STAT4: variants seen among roughly 807,000 people sequenced by gnomAD.
STAT4 encodes signal transducer and activator of transcription 4.
In STAT4, 42 loss-of-function variants were observed where a neutral mutation model predicts 110.5. The ratio of observed to expected loss-of-function variants is 0.38; its 90% CI spans 0.30 to 0.49. STAT4 has a LOEUF of 0.49. Ranked by LOEUF, STAT4 falls within the 20% of genes least tolerant of loss-of-function variation. The pLI is 0.95. For missense variants in STAT4, 632 were observed against 887.9 expected, an observed-to-expected ratio of 0.71 and a Z score of 3.66; for synonymous variants, 284 against 302.2, an observed-to-expected ratio of 0.94 and a Z score of 0.63.
intron 3 of STAT4, among the ~76,000 whole-genome samples, chr2:191,122,453 T>G (rs985367339): frequency 6.6e-6 from 1 of 152,150 alleles, no homozygotes; most frequent in African/African-American, 2.4e-5. Flanking sequence ...CAGCAACTCC[T>G]AAATCCACAC....
chr2:191,071,106 G>A (rs565355521), intron 5 of STAT4, among the ~76,000 whole-genome samples: 5 of 152,230 alleles, frequency 3.3e-5, no homozygotes, highest in African/African-American at 1.2e-4. Context: ...AGTAATAACA[G>A]CTACCAATTT....
At chr2:191,069,233 C>T (rs1697077212) in intron 6 of STAT4, among the ~76,000 whole-genome samples, 1 of 151,412 alleles carries the variant, frequency 6.6e-6, no homozygotes, top group South Asian at 2.1e-4. Context: ...ATGCTTTTGC[C>T]TATATTTTAG....
intron 1 of STAT4, 27 bp from the exon 2 acceptor site, chr2:191,148,231 T>C (rs1699505437): frequency 6.2e-7 from 1 of 1,609,266 alleles, no homozygotes; most frequent in African/African-American, 1.3e-5. Context: ...AGAATTAGAG[T>C]TTTAAAATAT....
intron 3 of STAT4, among the ~76,000 whole-genome samples, chr2:191,101,194 G>A (rs1698140722): frequency 6.6e-6 from 1 of 152,022 alleles, no homozygotes; most frequent in Admixed American, 6.5e-5. Context: ...AAATCCCTAA[G>A]ATTGATAAAA....
chr2:191,086,512 T>C lies in STAT4; in HGVS notation c.274-10187A>G, dbSNP rs985354270. On this transcript the variant is annotated intron_variant, in intron 3 of 23. Transcript: ENST00000392320. This position sits in a 1 kb window ranked among gnomAD's most constrained non-coding sequence, Gnocchi z 5.5. ...TTTATACAAATAATCAGACCAAGTA[T>C]AATTAAACTAAAACTTACTGTGCAA... Among the ~76,000 whole-genome samples the C allele has an allele frequency of 6.6e-6, 1 of 152,234 alleles. No individual in the cohort carries two copies. The highest frequency in any genetic ancestry group is 2.4e-5 in the African/African-American group (1 of 41,448).
At position 191,059,915 on chromosome 2, in the gene STAT4, C is replaced by G. The variant is rs1696804714; in HGVS notation, c.1035-1146G>C. On this transcript the variant is annotated intron_variant, in intron 10 of 23. Transcript: ENST00000392320. The surrounding 1 kb of genome is among the most constrained non-coding windows in gnomAD (Gnocchi z 4.7). ...CTCCACCTTCCTTTTTATACCACTT[C>G]AGGAAGGATCTGATTCACTGCAAGA... 6.6e-6 allele frequency among the ~76,000 whole-genome samples: 1 copy of G among 152,136 alleles called. No individual in the cohort carries two copies. Among genetic ancestry groups the G allele is most frequent in the Admixed American group, 6.6e-5 (1 of 15,262 alleles).
rs1380005117 is a variant in STAT4, at chr2:191,082,980, G to T, written c.274-6655C>A. Among the ~76,000 whole-genome samples the T allele has an allele frequency of 1.3e-5, 2 of 152,154 alleles. No homozygotes were observed. Among genetic ancestry groups the T allele is most frequent in the African/African-American group, 4.8e-5 (2 of 41,428 alleles). Reference sequence around the variant, plus strand: ...ATTTTTCAGATGATGTTCTCTGACTGTAGTGACCTGGCAACTGCAGGATGA... The same window carrying T: ...ATTTTTCAGATGATGTTCTCTGACTTTAGTGACCTGGCAACTGCAGGATGA... On this transcript the variant is annotated intron_variant, in intron 3 of 23. Coordinates refer to ENST00000392320, the MANE Select transcript of STAT4 (RefSeq NM_003151.4). The surrounding 1 kb of genome is among the most constrained non-coding windows in gnomAD (Gnocchi z 4.7).
chr2:191,071,152 T>TACTTACATAGA (rs1196339969), intron 5 of STAT4, among the ~76,000 whole-genome samples: 3 of 152,164 alleles, frequency 2.0e-5, no homozygotes, highest in Non-Finnish European at 4.4e-5. Flanking sequence ...CTTACATAGA[T>TACTTACATAGA]TATCCTTTCG....
intron 3 of STAT4, among the ~76,000 whole-genome samples, chr2:191,119,089 A>G (rs1190783266): frequency 1.3e-5 from 2 of 152,302 alleles, no homozygotes; most frequent in Non-Finnish European, 2.9e-5. Flanking sequence ...TTCGATGCAC[A>G]GAGTTAAGAC....
rs116561216 is a variant in STAT4, at chr2:191,069,012, T to C, written c.544+681A>G. On this transcript the variant is annotated intron_variant, in intron 6 of 23. Transcript: ENST00000392320. ...GACATTTATGCAATTACTGAAATTATGTTTTTGGAGACTTTTTGACATGAG... is the reference window on the plus strand; with the variant it reads ...GACATTTATGCAATTACTGAAATTACGTTTTTGGAGACTTTTTGACATGAG... Among the ~76,000 whole-genome samples, 628 of 152,250 alleles carry C rather than the reference T, an allele frequency of 4.1e-3. 5 individuals carry two copies. The highest frequency in any genetic ancestry group is 0.013 in the African/African-American group (554 of 41,574).
At position 191,033,121 on chromosome 2, in the gene STAT4, G is replaced by C. The variant is rs747300394; in HGVS notation, c.1881C>G (p.Pro627=). The change falls in exon 21 of 24, where the codon CCC becomes CCG. Residue 627 remains proline (P), a synonymous_variant. Transcript: ENST00000392320. This position sits in a 1 kb window ranked among gnomAD's most constrained non-coding sequence, Gnocchi z 6.9. ...GAGCAGACAACCGGCCTTTATTGTAGGGTTCTACAGAGTGGAATCTCACTT... is the reference window on the plus strand; with the variant it reads ...GAGCAGACAACCGGCCTTTATTGTACGGTTCTACAGAGTGGAATCTCACTT... ...SGEVRFHSVE[P]YNKGRLSALP... The C allele has an allele frequency of 1.1e-5, 17 of 1,613,594 alleles. No homozygotes were observed. In the South Asian group the frequency reaches 1.9e-4, roughly 18 times the overall value.
rs1695873398 is a variant in STAT4 at position 191,030,899 on chromosome 2, C to T, written c.2220+73G>A. On this transcript the variant is annotated intron_variant, in intron 23 of 23. Transcript: ENST00000392320. The surrounding 1 kb of genome is among the most constrained non-coding windows in gnomAD (Gnocchi z 4.4). ...TCCCTACCCAGGCAGTATTTCAGCCCCTTTGATTCACACACCACCTTTGCA... is the reference window on the plus strand; with the variant it reads ...TCCCTACCCAGGCAGTATTTCAGCCTCTTTGATTCACACACCACCTTTGCA... 2 of 1,384,434 alleles carry T rather than the reference C, an allele frequency of 1.4e-6. No individual in the cohort carries two copies. Among genetic ancestry groups the T allele is most frequent in the East Asian group, 4.6e-5 (2 of 43,602 alleles). The allele number at this position is 1,384,434 out of a possible 1,614,324, so 85.8% of individuals were successfully genotyped here.
intron 13 of STAT4, 103 bp downstream of exon 13, chr2:191,057,915 A>G: frequency 9.1e-7 from 1 of 1,103,852 alleles, no homozygotes; most frequent in Admixed American, 2.2e-5. Context: ...AATTTCAAAT[A>G]AGAAATATTT....
chr2:191,093,589 C>T (rs544898579), intron 3 of STAT4, among the ~76,000 whole-genome samples: 9 of 152,260 alleles, frequency 5.9e-5, no homozygotes, highest in African/African-American at 1.9e-4. Flanking sequence ...TATAGGTCAC[C>T]AGCATCAAAG....
At chr2:191,097,907 T>C (rs1574152896) in intron 3 of STAT4, among the ~76,000 whole-genome samples, 1 of 81,120 alleles carries the variant, frequency 1.2e-5, no homozygotes, top group African/African-American at 4.8e-5. Context: ...CTTAAACAAA[T>C]TTACAAGAAA....
chr2:191,132,848 G>A lies in STAT4; in HGVS notation c.273+13765C>T, dbSNP rs866397452. Among the ~76,000 whole-genome samples, 7 of 149,768 alleles carry A rather than the reference G, an allele frequency of 4.7e-5. No individual in the cohort carries two copies. In the South Asian group the frequency reaches 8.4e-4, roughly 18 times the overall value. On this transcript the variant is annotated intron_variant, in intron 3 of 23. Transcript: ENST00000392320. ...CGGCTCACTGCAAGCTCCGCCTCCC[G>A]GGTTCACGCAATTCTCCTTCCTCAG...
rs890485306 is a variant in STAT4 at position 191,150,797 on chromosome 2, G to C, written c.-2+150C>G. 4 of 628,582 alleles carry C rather than the reference G, an allele frequency of 6.4e-6. No homozygotes were observed. The African/African-American group carries it at 8.0e-5, about 13-fold the overall frequency. The allele number at this position is 628,582 out of a possible 1,614,324, so 38.9% of individuals were successfully genotyped here. A position where few individuals can be genotyped will look rare whatever the true frequency, so the allele number is the denominator to read the frequency against. On this transcript the variant is annotated intron_variant, in intron 1 of 23. Transcript: ENST00000392320. This position sits in a 1 kb window ranked among gnomAD's most constrained non-coding sequence, Gnocchi z 6.4. ...GGGCGCATCTGTGGGTCGTGGAGTCGGGCGCTTCCTTCTATAATAAGCCTC... is the reference window on the plus strand; with the variant it reads ...GGGCGCATCTGTGGGTCGTGGAGTCCGGCGCTTCCTTCTATAATAAGCCTC...
chr2:191,121,715 G>A (rs1173087949), intron 3 of STAT4, among the ~76,000 whole-genome samples: 1 of 133,446 alleles, frequency 7.5e-6, no homozygotes, highest in African/African-American at 2.8e-5. Context: ...GGTGGGAATC[G>A]AAAAATGAGA....
rs928014381 is a variant in STAT4, at chr2:191,135,325, T to A, written c.273+11288A>T. Reference sequence around the variant, plus strand: ...AGAAATGGATAAATTCCTGGACTCATGCAACCTAGCAAGATTGAATCAGGA... The same window carrying A: ...AGAAATGGATAAATTCCTGGACTCAAGCAACCTAGCAAGATTGAATCAGGA... On this transcript the variant is annotated intron_variant, in intron 3 of 23. Coordinates refer to ENST00000392320, the MANE Select transcript of STAT4 (RefSeq NM_003151.4). This position sits in a 1 kb window ranked among gnomAD's most constrained non-coding sequence, Gnocchi z 4.8. Among the ~76,000 whole-genome samples the A allele has an allele frequency of 3.3e-5, 5 of 152,144 alleles. No homozygotes were observed. Among genetic ancestry groups the A allele is most frequent in the Admixed American group, 1.3e-4 (2 of 15,268 alleles).
Sources: gnomAD v4.1 joint callset for allele counts (sites outside exome capture counted in the v4.1 genomes callset) on GRCh38, gnomAD v4.1.1 for gene constraint, Gnocchi (gnomAD v3.1) non-coding constraint, MANE v1.5 for transcripts, NCBI Gene and HGNC (gene_info 2026-07-23, HGNC 2026-07-21) for gene names.